POLE: variants seen among roughly 807,000 people sequenced by gnomAD.
POLE encodes the protein DNA polymerase epsilon, catalytic subunit.
POLE carries 188 observed loss-of-function variants against 279.2 expected under a neutral mutation model. That is an observed-to-expected ratio of 0.67 (90% CI 0.60 to 0.76). The LOEUF (loss-of-function observed/expected upper bound fraction) is 0.76, where lower values mean the gene tolerates loss of function less well. POLE is among the 30% of genes least tolerant of loss of function. The probability of loss-of-function intolerance (pLI) is 0.00; values close to 1 mark genes in which losing one functional copy is unlikely to be tolerated. For missense variants in POLE, 2,703 were observed against 3,016.7 expected, an observed-to-expected ratio of 0.90 and a Z score of 2.44; for synonymous variants, 1,214 against 1,172.5, an observed-to-expected ratio of 1.04 and a Z score of -0.72.
At chr12:132,669,782 A>G (rs563915637) in intron 16 of POLE, among the ~76,000 whole-genome samples, 1 of 152,334 alleles carries the variant, frequency 6.6e-6, no homozygotes, top group South Asian at 2.1e-4. Context: ...GACATGCCCC[A>G]CGTGGCTGTG....
At position 132,680,034 on chromosome 12, in the gene POLE, C is replaced by T. The variant is rs1565980334; in HGVS notation, c.343G>A (p.Glu115Lys). The T allele has an allele frequency of 4.3e-6, 7 of 1,613,740 alleles. No individual in the cohort carries two copies. The highest frequency in any genetic ancestry group is 5.1e-6 in the Non-Finnish European group (6 of 1,179,748). The change falls in exon 5 of 49, where the codon GAA becomes AAA. Residue 115 changes from glutamate (E) to lysine (K), a missense_variant. This residue lies in a region of POLE where 1,011 missense variants were observed against 1,111.7 expected (regional missense o/e 0.91). Transcript: ENST00000320574. ...YIATRKGCER[E>K]VSSFLSKKFQ... is the part of the protein sequence containing the mutation. The stretch of plus-strand genomic sequence containing the variant: ...TTCTTGGAGAGAAAAGATGAAACTT[C>T]TCGCTCACAACCCTAATCAGGATCA...
rs200471266 is a variant in POLE at position 132,668,897 on chromosome 12, C to T, written c.1837G>A (p.Val613Ile). ...IKSKLASLKD[V>I]PSRIECPLIY... is the part of the protein sequence containing the mutation. ...AGTGGACACTCGATGCGGCTGGGAACGTCCTTCAGGGAGGCAAGCTTGCTC... is the reference window on the plus strand; with the variant it reads ...AGTGGACACTCGATGCGGCTGGGAATGTCCTTCAGGGAGGCAAGCTTGCTC... Residue 613 changes from valine (V) to isoleucine (I), a missense_variant, in exon 17 of 49, where the codon GTT becomes ATT. Val to Ile is a conservative substitution (Grantham distance 29). Coordinates refer to ENST00000320574, the MANE Select transcript of POLE (RefSeq NM_006231.4). The surrounding 1 kb of genome is among the most constrained non-coding windows in gnomAD (Gnocchi z 4.0). 41 of 1,614,112 alleles carry T rather than the reference C, an allele frequency of 2.5e-5. No individual in the cohort carries two copies. Among genetic ancestry groups the T allele is most frequent in the Admixed American group, 2.0e-4 (12 of 60,024 alleles).
At chr12:132,653,726 C>T (rs768810602) in intron 29 of POLE, among the ~76,000 whole-genome samples, 5 of 152,200 alleles carry the variant, frequency 3.3e-5, no homozygotes, top group Admixed American at 6.5e-5. Context: ...CAGTGGTTAA[C>T]AGGCATCCAT....
intron 5 of POLE, 49 bp from the exon 6 acceptor site, chr12:132,679,700 T>C (rs2043127628): frequency 6.3e-7 from 1 of 1,577,896 alleles, no homozygotes; most frequent in Non-Finnish European, 8.7e-7. Context: ...AATAGGACTT[T>C]ATGGGTGAGA....
intron 14 of POLE, 89 bp downstream of exon 14, chr12:132,673,075 G>T: frequency 1.1e-6 from 1 of 926,744 alleles, no homozygotes; most frequent in Non-Finnish European, 1.8e-6. Context: ...CAGCACTCCT[G>T]GGACATCCAC....
Position 132,669,094 on chromosome 12 carries a change from A to G in POLE, c.1795-155T>C, listed in dbSNP as rs5744795. Among the ~76,000 whole-genome samples the G allele has an allele frequency of 8.0e-3, 1,211 of 152,310 alleles. 7 individuals carry two copies. The highest frequency in any genetic ancestry group is 0.013 in the Non-Finnish European group (870 of 68,036). ...AAGAAAAAAGTTAAGAAGGGTTGCC[A>G]TCATTTCTATGAAATACATTAAATT... On this transcript the variant is annotated intron_variant, in intron 16 of 48. Transcript: ENST00000320574.
rs1230305163 is a variant in POLE at position 132,639,708 on chromosome 12, T to C, written c.5379-410A>G. 2.0e-5 allele frequency among the ~76,000 whole-genome samples: 3 copies of C among 150,940 alleles called. No individual in the cohort carries two copies. The highest frequency in any genetic ancestry group is 5.0e-5 in the African/African-American group (2 of 40,334). ...GGCTCACGCCTGTAATCCCACCACT[T>C]TGGGAGGCCGAGGCAGGTGGATCAC... On this transcript the variant is annotated intron_variant, in intron 39 of 48. Transcript: ENST00000320574. The surrounding 1 kb of genome is among the most constrained non-coding windows in gnomAD (Gnocchi z 4.7).
In POLE at chr12:132,668,609, T is replaced by G; in HGVS notation, c.2026+26A>C. On this transcript the variant is annotated intron_variant, in intron 18 of 48. Coordinates refer to ENST00000320574, the MANE Select transcript of POLE (RefSeq NM_006231.4). The surrounding 1 kb of genome is among the most constrained non-coding windows in gnomAD (Gnocchi z 4.0). Reference sequence around the variant, plus strand: ...ACTCACCCACCCGTTTCCCACCGAGTGCCCACCCAGGCGGCCGACACTCAC... The same window carrying G: ...ACTCACCCACCCGTTTCCCACCGAGGGCCCACCCAGGCGGCCGACACTCAC... 6.3e-7 allele frequency: 1 copy of G among 1,596,442 alleles called. No individual in the cohort carries two copies. The highest frequency in any genetic ancestry group is 1.1e-5 in the South Asian group (1 of 90,386).
chr12:132,629,124 G>A (rs977283758), intron 45 of POLE, among the ~76,000 whole-genome samples: 3 of 152,212 alleles, frequency 2.0e-5, no homozygotes, highest in Non-Finnish European at 2.9e-5. Flanking sequence ...TGCTGTGTCC[G>A]CAGGCATGAA....
chr12:132,671,964 A>T (rs1258439458), intron 16 of POLE, among the ~76,000 whole-genome samples: 1 of 152,178 alleles, frequency 6.6e-6, no homozygotes. Flanking sequence ...CACGGGATAC[A>T]TCCCACCAGG....
chr12:132,650,488 G>A (rs1304630745), intron 29 of POLE: 1 of 153,452 alleles, frequency 6.5e-6, no homozygotes, highest in African/African-American at 2.4e-5. Context: ...GGTTGTGTGG[G>A]CCTGTGGTCC....
intron 45 of POLE, among the ~76,000 whole-genome samples, chr12:132,626,576 G>C (rs1405052960): frequency 1.3e-5 from 2 of 151,862 alleles, no homozygotes; most frequent in Non-Finnish European, 2.9e-5. Flanking sequence ...ACACTGAAGA[G>C]AGAGAGCACT....
chr12:132,629,416 TATG>T (rs1237528624), intron 45 of POLE, among the ~76,000 whole-genome samples: 3 of 152,198 alleles, frequency 2.0e-5, no homozygotes, highest in Non-Finnish European at 4.4e-5. Flanking sequence ...ACACGGAAAA[TATG>T]TTGTCAGTGT....
chr12:132,679,919 C>T, intron 5 of POLE, 35 bp downstream of exon 5: 1 of 1,458,218 alleles, frequency 6.9e-7, no homozygotes, highest in South Asian at 1.2e-5. Context: ...AGACTCTGGC[C>T]TCATTTACCC....
At chr12:132,678,667 G>A (rs1329715977) in intron 6 of POLE, among the ~76,000 whole-genome samples, 1 of 152,198 alleles carries the variant, frequency 6.6e-6, no homozygotes, top group Non-Finnish European at 1.5e-5. Context: ...CCATGGTCCT[G>A]ATACTCAGGA....
intron 43 of POLE, chr12:132,633,778 G>T: frequency 6.1e-6 from 1 of 162,694 alleles, no homozygotes; most frequent in Admixed American, 6.2e-5. Context: ...AGGCCTCACA[G>T]ACCAGCCAGG....
chr12:132,685,987 T>C (rs1369934476), intron 1 of POLE, among the ~76,000 whole-genome samples: 1 of 151,888 alleles, frequency 6.6e-6, no homozygotes, highest in Non-Finnish European at 1.5e-5. Context: ...GTGATTCTCC[T>C]GCCTCAGCCT....
At chr12:132,641,454 C>T (rs762987777) in intron 39 of POLE, 193 bp downstream of exon 39, 12 of 601,094 alleles carry the variant, frequency 2.0e-5, no homozygotes, top group Non-Finnish European at 3.5e-5. Flanking sequence ...TGAACAGTCG[C>T]CAGGGACCAG....
At position 132,626,099 on chromosome 12, in the gene POLE, G is replaced by A. The variant is rs768260829; in HGVS notation, c.6531+18C>T. On this transcript the variant is annotated intron_variant, in intron 46 of 48. Transcript: ENST00000320574. ...TGTTCTGCTCCACAGTGAAGGGCCC[G>A]CTGGAGCTCAGCCGCACCTCTGAGA... 3 of 1,577,648 alleles carry A rather than the reference G, an allele frequency of 1.9e-6. No homozygotes were observed. The highest frequency in any genetic ancestry group is 2.3e-5 in the East Asian group (1 of 42,774).
Sources: gnomAD v4.1 joint callset for allele counts (sites outside exome capture counted in the v4.1 genomes callset) on GRCh38, gnomAD v4.1.1 for gene constraint, gnomAD v4.1.1 regional missense constraint, Gnocchi (gnomAD v3.1) non-coding constraint, MANE v1.5 for transcripts, NCBI Gene and HGNC (gene_info 2026-07-23, HGNC 2026-07-21) for gene names.